AHI1: variants seen among roughly 807,000 people sequenced by gnomAD.
AHI1 encodes the protein Abelson helper integration site 1.
A neutral mutation model predicts 149.3 loss-of-function variants in AHI1; 123 were observed. That is an observed-to-expected ratio of 0.82 (90% CI 0.71 to 0.96). The LOEUF is 0.96. Ranked by LOEUF, AHI1 falls within the 40% of genes least tolerant of loss-of-function variation. AHI1 has a pLI of 0.00. For synonymous variants in AHI1, 475 were observed against 459.8 expected (o/e 1.03, Z -0.42); for missense variants, 1,439 against 1,422.7 (o/e 1.01, Z -0.18).
intron 15 of AHI1, among the ~76,000 whole-genome samples, chr6:135,436,865 G>C (rs557657025): frequency 1.3e-5 from 2 of 152,282 alleles, no homozygotes; most frequent in African/African-American, 4.8e-5. Context: ...GCTTCCCAAA[G>C]TGCTGGGATT....
intron 24 of AHI1, among the ~76,000 whole-genome samples, chr6:135,342,837 T>C (rs879194069): frequency 1.3e-4 from 19 of 151,558 alleles, no homozygotes; most frequent in Admixed American, 1.3e-4. Context: ...GCTAATTTCA[T>C]AATTAATGGT....
At chr6:135,338,948 C>G (rs1410307314) in intron 24 of AHI1, among the ~76,000 whole-genome samples, 3 of 148,630 alleles carry the variant, frequency 2.0e-5, no homozygotes, top group Non-Finnish European at 4.4e-5. Context: ...TTTTTTGAGA[C>G]CCAGAGTCTC....
intron 2 of AHI1, among the ~76,000 whole-genome samples, chr6:135,496,414 A>C (rs1239990106): frequency 6.6e-6 from 1 of 152,204 alleles, no homozygotes; most frequent in Admixed American, 6.5e-5. Flanking sequence ...CACTGCGCTC[A>C]GCCATCTCTA....
intron 24 of AHI1, among the ~76,000 whole-genome samples, chr6:135,340,640 C>CATAT (rs1307745954): frequency 4.1e-5 from 3 of 72,624 alleles, no homozygotes; most frequent in East Asian, 3.9e-4. Flanking sequence ...AAAACCAGTA[C>CATAT]ATATATATAC....
At chr6:135,300,971 A>G (rs1042786348) in intron 26 of AHI1, 2 of 985,894 alleles carry the variant, frequency 2.0e-6, no homozygotes, top group Non-Finnish European at 2.4e-6. Context: ...ATACACATTG[A>G]TCTGTATGCA....
intron 26 of AHI1, among the ~76,000 whole-genome samples, chr6:135,313,383 A>C (rs1785484107): frequency 6.6e-6 from 1 of 152,200 alleles, no homozygotes; most frequent in African/African-American, 2.4e-5. Flanking sequence ...TTTGAGTTCC[A>C]TATCCTCCAT....
intron 23 of AHI1, among the ~76,000 whole-genome samples, chr6:135,377,839 C>A (rs907572554): frequency 6.6e-6 from 1 of 151,950 alleles, no homozygotes; most frequent in Non-Finnish European, 1.5e-5. Context: ...TAGAGCACTC[C>A]TTCTCAACTC....
chr6:135,492,227 C>T lies in AHI1; in HGVS notation c.10+1G>A. On this transcript the variant is annotated splice_donor_variant, in intron 4 of 28. Coordinates refer to ENST00000265602, the MANE Select transcript of AHI1 (RefSeq NM_001134831.2). LOFTEE classifies it high-confidence loss of function. ...ATACATAAATTTCATAGAAGTCTTA[C>T]CTGTAGGCATCTCTCAGCTTTATGC... 6.5e-7 allele frequency: 1 copy of T among 1,531,746 alleles called. No individual in the cohort carries two copies. The highest frequency in any genetic ancestry group is 8.8e-7 in the Non-Finnish European group (1 of 1,136,014). The allele number at this position is 1,531,746 out of a possible 1,614,324, so 94.9% of individuals were successfully genotyped here.
rs1348260638 is a variant in AHI1 at position 135,431,296 on chromosome 6, C to T, written c.2285G>A (p.Gly762Glu). ...FDTEGHHMYS[G>E]DCTGVIVVWN... Reference sequence around the variant, plus strand: ...AACAACAATCACCCCTGTACAATCTCCTGAATACATATGATGACCTATTTA... The same window carrying T: ...AACAACAATCACCCCTGTACAATCTTCTGAATACATATGATGACCTATTTA... Residue 762 changes from glycine (G) to glutamate (E), a missense_variant, in exon 17 of 29, where the codon GGA becomes GAA. Gly to Glu is a moderately conservative substitution (Grantham distance 98, BLOSUM62 -2). Transcript: ENST00000265602. 3.7e-6 allele frequency: 6 copies of T among 1,601,604 alleles called. No individual in the cohort carries two copies. Among genetic ancestry groups the T allele is most frequent in the Admixed American group, 1.7e-5 (1 of 59,354 alleles).
chr6:135,477,072 G>A (rs187043322), intron 5 of AHI1, among the ~76,000 whole-genome samples: 7 of 146,402 alleles, frequency 4.8e-5, no homozygotes, highest in South Asian at 2.2e-4. Flanking sequence ...ACAGAGTCTC[G>A]CTCTGTCACC....
intron 23 of AHI1, among the ~76,000 whole-genome samples, chr6:135,390,715 G>C (rs1582989074): frequency 6.6e-6 from 1 of 152,308 alleles, no homozygotes; most frequent in East Asian, 1.9e-4. Context: ...TACAGAAATT[G>C]AGTAATAAAA....
intron 24 of AHI1, among the ~76,000 whole-genome samples, chr6:135,356,606 AG>A (rs1296892084): frequency 5.9e-5 from 9 of 152,316 alleles, no homozygotes; most frequent in African/African-American, 1.9e-4. Flanking sequence ...TACATCAAAA[AG>A]GACTGAATAT....
At chr6:135,289,765 T>C (rs1782112479) in intron 28 of AHI1, among the ~76,000 whole-genome samples, 1 of 150,824 alleles carries the variant, frequency 6.6e-6, no homozygotes, top group Non-Finnish European at 1.5e-5. Flanking sequence ...AATAAAAATA[T>C]GAAAATTTTG....
chr6:135,447,292 C>A, intron 12 of AHI1, 132 bp from the exon 13 acceptor site: 2 of 641,168 alleles, frequency 3.1e-6, no homozygotes, highest in Non-Finnish European at 4.6e-6. Flanking sequence ...AAAAATTCTA[C>A]TTTTATTTGT....
intron 27 of AHI1, among the ~76,000 whole-genome samples, chr6:135,291,375 C>T (rs1782332150): frequency 6.6e-6 from 1 of 152,146 alleles, no homozygotes; most frequent in African/African-American, 2.4e-5. Flanking sequence ...AGGGAGATAA[C>T]TAAGGTTAAA....
intron 23 of AHI1, among the ~76,000 whole-genome samples, chr6:135,380,245 T>C (rs1229304484): frequency 1.3e-5 from 2 of 151,892 alleles, no homozygotes; most frequent in Non-Finnish European, 2.9e-5. Context: ...CAACCAACCA[T>C]GGATTGAAAC....
chr6:135,404,875 A>T, intron 22 of AHI1, 76 bp downstream of exon 22: 1 of 1,339,266 alleles, frequency 7.5e-7, no homozygotes. Flanking sequence ...TCCAAACTCT[A>T]TGAATGGTGC....
rs574033007 is a variant in AHI1, at chr6:135,290,913, AACACACAC to A, written c.3486-396_3486-389del. Among the ~76,000 whole-genome samples the A allele has an allele frequency of 7.5e-5, 11 of 146,264 alleles. 1 individual carries two copies. The highest frequency in any genetic ancestry group is 2.0e-4 in the East Asian group (1 of 5,034). On this transcript the variant is annotated intron_variant, in intron 27 of 28. Coordinates refer to ENST00000265602, the MANE Select transcript of AHI1 (RefSeq NM_001134831.2). ...ATCAACTTAGGTGGAAACACACACA[AACACACAC>A]ACACACACACACACACACACAAAAG...
chr6:135,458,501 G>T (rs919358581), intron 8 of AHI1, among the ~76,000 whole-genome samples: 1 of 152,128 alleles, frequency 6.6e-6, no homozygotes, highest in African/African-American at 2.4e-5. Flanking sequence ...GATCTGCCAG[G>T]GGAAGGGGAC....
Sources: allele counts gnomAD v4.1 joint callset (sites outside exome capture counted in the v4.1 genomes callset), GRCh38; gene constraint gnomAD v4.1.1; transcripts MANE v1.5; gene names NCBI Gene and HGNC (gene_info 2026-07-23, HGNC 2026-07-21).